NPHP3: variants seen among roughly 807,000 people sequenced by gnomAD.
NPHP3 encodes nephrocystin 3.
Under a neutral mutation model 171.9 loss-of-function variants are expected in NPHP3, and 123 were observed. That is an observed-to-expected ratio of 0.72 (90% CI 0.62 to 0.83). The LOEUF (loss-of-function observed/expected upper bound fraction) is 0.83. Ranked by LOEUF, NPHP3 falls within the 40% of genes least tolerant of loss-of-function variation. The probability of loss-of-function intolerance (pLI) is 0.00; values close to 1 mark genes in which losing one functional copy is unlikely to be tolerated. For missense variants in NPHP3, 1,506 were observed against 1,591.9 expected (o/e 0.95, Z 0.92); for synonymous variants, 558 against 579.2 (o/e 0.96, Z 0.52).
At chr3:132,707,501 T>C (rs1939786165) in intron 7 of NPHP3, among the ~76,000 whole-genome samples, 1 of 152,068 alleles carries the variant, frequency 6.6e-6, no homozygotes, top group Admixed American at 6.5e-5. Flanking sequence ...CTGACACTAA[T>C]CCTTGGTCAG....
chr3:132,698,770 C>T (rs768644403), intron 13 of NPHP3, among the ~76,000 whole-genome samples: 3 of 152,190 alleles, frequency 2.0e-5, no homozygotes, highest in Non-Finnish European at 4.4e-5. Context: ...CACAACCTGC[C>T]TGTCCTTTGT....
chr3:132,712,601 C>A, intron 6 of NPHP3: 1 of 363,964 alleles, frequency 2.7e-6, no homozygotes, highest in Non-Finnish European at 5.3e-6. Flanking sequence ...CCCATCTCTA[C>A]CAAAAATACA....
chr3:132,694,461 G>C (rs554479445), intron 16 of NPHP3, among the ~76,000 whole-genome samples: 1 of 151,580 alleles, frequency 6.6e-6, no homozygotes, highest in South Asian at 2.1e-4. Flanking sequence ...ACAGTTAAAA[G>C]ACAAGAAACA....
intron 8 of NPHP3, 152 bp downstream of exon 8, chr3:132,705,588 A>G: frequency 3.4e-6 from 2 of 580,200 alleles, no homozygotes; most frequent in Non-Finnish European, 6.3e-6. Flanking sequence ...CTAAGAACAT[A>G]CCACAGGATG....
rs772124699 is a variant in NPHP3, at chr3:132,722,122, G to A, written c.234C>T (p.Gly78=). 6.2e-7 allele frequency: 1 copy of A among 1,606,204 alleles called. No homozygotes were observed. Residue 78 remains glycine, a synonymous_variant, in exon 1 of 27, where the codon GGC becomes GGT. Coordinates refer to ENST00000337331, the MANE Select transcript of NPHP3 (RefSeq NM_153240.5). ...GLLGASFKST[G]SSVPELEYAA... Reference sequence around the variant, plus strand: ...CGTACTCCAGCTCTGGCACCGACGAGCCAGTGGACTTGAAGCTGGCCCCCA... The same window carrying A: ...CGTACTCCAGCTCTGGCACCGACGAACCAGTGGACTTGAAGCTGGCCCCCA...
In NPHP3 at chr3:132,697,427, C is replaced by A; in HGVS notation, c.1986-65G>T. Reference sequence around the variant, plus strand: ...CAACAAGAACTGTAATTACCCATAACACAATTTAAAATCCACCACAGGAAT... The same window carrying A: ...CAACAAGAACTGTAATTACCCATAAAACAATTTAAAATCCACCACAGGAAT... On this transcript the variant is annotated intron_variant, in intron 13 of 26. Coordinates refer to ENST00000337331, the MANE Select transcript of NPHP3 (RefSeq NM_153240.5). 4 of 1,072,032 alleles carry A rather than the reference C, an allele frequency of 3.7e-6. No homozygotes were observed. The South Asian group carries it at 5.1e-5, about 14-fold the overall frequency. 66.4% of individuals were successfully genotyped at this position (1,072,032 alleles called of 1,614,324 possible). A position where few individuals can be genotyped will look rare whatever the true frequency, so the allele number is the denominator to read the frequency against.
rs748221382 is a variant in NPHP3 at position 132,692,811 on chromosome 3, C to T, written c.2318G>A (p.Cys773Tyr). The change falls in exon 17 of 27, where the codon TGC becomes TAC. Residue 773 changes from cysteine (C) to tyrosine (Y), a missense_variant. By Grantham distance (194) the Cys-to-Tyr change is radical. This residue lies in a region of NPHP3 where 930 missense variants were observed against 924.9 expected (regional missense o/e 1.01). Coordinates refer to ENST00000337331, the MANE Select transcript of NPHP3 (RefSeq NM_153240.5). The part of the protein sequence containing the change: ...VDKELMKQIL[C>Y]LVNVSHNGVS... Reference sequence around the variant, plus strand: ...ACCATTGTGACTAACATTGACAAGGCAGAGGATCTAGGTAGAAAAACAAAT... The same window carrying T: ...ACCATTGTGACTAACATTGACAAGGTAGAGGATCTAGGTAGAAAAACAAAT... The T allele has an allele frequency of 6.2e-7, 1 of 1,613,776 alleles. No homozygotes were observed. The highest frequency in any genetic ancestry group is 8.5e-7 in the Non-Finnish European group (1 of 1,179,774).
rs568932744 is a variant in NPHP3 at position 132,719,949 on chromosome 3, T to C, written c.394-119A>G. ...CGTATCTTAGAATTTTAAGTCTACT[T>C]ATTATTTTACCAATTATCAGGAACT... On this transcript the variant is annotated intron_variant, in intron 1 of 26. Coordinates refer to ENST00000337331, the MANE Select transcript of NPHP3 (RefSeq NM_153240.5). 183 of 425,226 alleles carry C rather than the reference T, an allele frequency of 4.3e-4. 1 individual carries two copies. The highest frequency in any genetic ancestry group is 3.6e-3 in the African/African-American group (171 of 47,722). The allele number at this position is 425,226 out of a possible 1,614,324, so 26.3% of individuals were successfully genotyped here.
At chr3:132,721,197 C>G (rs1005337117) in intron 1 of NPHP3, among the ~76,000 whole-genome samples, 3 of 152,168 alleles carry the variant, frequency 2.0e-5, no homozygotes, top group African/African-American at 7.2e-5. Flanking sequence ...GGATTACAGG[C>G]GTGAGCCACC....
At chr3:132,719,911 T>C in intron 1 of NPHP3, 81 bp from the exon 2 acceptor site, 2 of 520,162 alleles carry the variant, frequency 3.8e-6, no homozygotes, top group Middle Eastern at 6.9e-4. Flanking sequence ...TACATATATA[T>C]ATATATATGT....
intron 13 of NPHP3, among the ~76,000 whole-genome samples, chr3:132,698,042 T>C (rs1939502209): frequency 1.3e-5 from 2 of 151,984 alleles, no homozygotes; most frequent in African/African-American, 2.4e-5. Flanking sequence ...TGTGCAGTAG[T>C]GCCATCTCGG....
In NPHP3 at chr3:132,689,169, C is replaced by T; in HGVS notation, c.2788G>A (p.Glu930Lys). The T allele has an allele frequency of 6.2e-7, 1 of 1,614,138 alleles. No homozygotes were observed. Among genetic ancestry groups the T allele is most frequent in the Non-Finnish European group, 8.5e-7 (1 of 1,179,998 alleles). The stretch of plus-strand genomic sequence containing the variant: ...TTGTCCTCGCCTTCGCAGTTTTTCT[C>T]ATACTGCTTCAATGAATCGAAGTAT... ...TEYFDSLKQY[E>K]KNCEGEDNMS... The change falls in exon 20 of 27, where the codon GAG (glutamate) becomes AAG (lysine). Residue 930 changes from glutamate (E) to lysine (K), a missense_variant. Physicochemically the swap from Glu to Lys is moderately conservative, Grantham distance 56. Around this residue, in one of 3 missense-constraint regions of NPHP3, gnomAD observed 569 missense variants for 648.1 expected, o/e 0.88. Coordinates refer to ENST00000337331, the MANE Select transcript of NPHP3 (RefSeq NM_153240.5).
chr3:132,708,218 G>A lies in NPHP3; in HGVS notation c.1158C>T (p.Asn386=), dbSNP rs1426605150. The A allele has an allele frequency of 2.4e-5, 39 of 1,614,162 alleles. No individual in the cohort carries two copies. Among genetic ancestry groups the A allele is most frequent in the Non-Finnish European group, 3.1e-5 (36 of 1,180,018 alleles). ...LEDCEEAFLK[N]PEGKPRLIFH... Reference sequence around the variant, plus strand: ...AGATTAATCGAGGTTTTCCTTCAGGGTTTTTCAGAAAAGCTTCTTCACAGT... The same window carrying A: ...AGATTAATCGAGGTTTTCCTTCAGGATTTTTCAGAAAAGCTTCTTCACAGT... The change falls in exon 7 of 27, where the codon AAC becomes AAT. Residue 386 remains asparagine (N), a synonymous_variant. Transcript: ENST00000337331.
chr3:132,686,936 T>C (rs1433333273), intron 22 of NPHP3, among the ~76,000 whole-genome samples: 2 of 152,176 alleles, frequency 1.3e-5, no homozygotes, highest in Non-Finnish European at 2.9e-5. Context: ...AAATCTAACC[T>C]TCAAATGAAT....
intron 1 of NPHP3, 74 bp from the exon 2 acceptor site, chr3:132,719,904 A>G: frequency 5.4e-5 from 8 of 147,228 alleles, no homozygotes; most frequent in Non-Finnish European, 7.1e-5. Flanking sequence ...ATATATATAC[A>G]TATATATATA....
chr3:132,714,013 T>C (rs16839527), intron 5 of NPHP3, among the ~76,000 whole-genome samples: 29,477 of 152,222 alleles, frequency 0.19, 3,439 homozygotes, highest in East Asian at 0.64. Flanking sequence ...AAGGGTTAGA[T>C]AGCAAATATG....
intron 13 of NPHP3, among the ~76,000 whole-genome samples, chr3:132,698,310 T>C (rs568416271): frequency 6.6e-6 from 1 of 152,024 alleles, no homozygotes; most frequent in African/African-American, 2.4e-5. Context: ...GGAGTTTCAC[T>C]CTTGTCGTCC....
chr3:132,684,871 G>T (rs1939115837), intron 23 of NPHP3, 77 bp from the exon 24 acceptor site: 1 of 1,502,286 alleles, frequency 6.7e-7, no homozygotes, highest in Non-Finnish European at 9.2e-7. Context: ...ATTAAGTGGA[G>T]AACTGACTCA....
intron 21 of NPHP3, 89 bp downstream of exon 21, chr3:132,688,561 C>G (rs1939218766): frequency 1.4e-6 from 2 of 1,382,546 alleles, no homozygotes. Context: ...GAAAAGTACA[C>G]AGTGATAAAA....
Sources: allele counts gnomAD v4.1 joint callset (sites outside exome capture counted in the v4.1 genomes callset), GRCh38; gene constraint gnomAD v4.1.1; regional missense constraint gnomAD v4.1.1; transcripts MANE v1.5; gene names NCBI Gene and HGNC (gene_info 2026-07-23, HGNC 2026-07-21).